The following NLRC3 variants were observed in gnomAD, a reference collection of about 807,000 sequenced individuals.
NLRC3 encodes the protein NLR family CARD domain containing 3.
A neutral mutation model predicts 91.6 loss-of-function variants in NLRC3; 87 were observed. The observed-to-expected ratio is 0.95, with a 90% CI of 0.80 to 1.14. NLRC3 has a LOEUF of 1.14. Ranked by LOEUF, NLRC3 falls within the 50% of genes most tolerant of loss-of-function variation. The pLI is 0.00. For synonymous variants in NLRC3, 694 were observed against 625.3 expected, an observed-to-expected ratio of 1.11 and a Z score of -1.64; for missense variants, 1,577 against 1,418.6, an observed-to-expected ratio of 1.11 and a Z score of -1.79.
At chr16:3,550,569 T>G (rs1018511150) in intron 10 of NLRC3, 72 bp from the exon 11 acceptor site, 5 of 1,139,492 alleles carry the variant, frequency 4.4e-6, no homozygotes, top group Admixed American at 3.5e-5. Context: ...GGGATCAGAG[T>G]CAGGGAAGCC....
At chr16:3,573,680 G>A (rs2040180367) in intron 1 of NLRC3, among the ~76,000 whole-genome samples, 1 of 152,206 alleles carries the variant, frequency 6.6e-6, no homozygotes, top group Non-Finnish European at 1.5e-5. Context: ...CGTGGAAGAA[G>A]TCTCAGCTCT....
chr16:3,550,580 C>G, intron 10 of NLRC3, 83 bp from the exon 11 acceptor site: 1 of 1,002,780 alleles, frequency 1.0e-6, no homozygotes, highest in Non-Finnish European at 1.6e-6. Context: ...CAGGGAAGCC[C>G]TCCTGGGAGG....
In NLRC3 at chr16:3,548,084, C is replaced by T. The variant is rs551783109; in HGVS notation, c.2771+51G>A. On this transcript the variant is annotated intron_variant, in intron 15 of 19. Coordinates refer to ENST00000359128, the MANE Select transcript of NLRC3 (RefSeq NM_178844.4). ...CTGATGGGTACCAGGTTTTCAGATT[C>T]CCCTGTCCTCAACAGCCCCCGCCCT... The T allele has an allele frequency of 9.0e-5, 116 of 1,287,264 alleles. 2 individuals are homozygous for T. In the South Asian group the frequency reaches 1.4e-3, roughly 15 times the overall value. 79.7% of individuals were successfully genotyped at this position (1,287,264 alleles called of 1,614,324 possible).
In NLRC3 at chr16:3,557,631, G is replaced by C. The variant is rs779917362; in HGVS notation, c.2061C>G (p.Ala687=). 1.6e-5 allele frequency: 26 copies of C among 1,613,474 alleles called. No individual in the cohort carries two copies. ...GACTTCTGTTGACCAAGAGGGATCT[G>C]GCCAGAGCTTTGGCCCCTTTGTTAC... is the stretch of plus-strand genomic sequence containing the variant. ...QISNKGAKAL[A]RSLLVNRSLT... The change falls in exon 7 of 20, where the codon GCC becomes GCG. Residue 687 remains alanine (A), a synonymous_variant. Transcript: ENST00000359128.
At chr16:3,544,134 G>A in intron 16 of NLRC3, 112 bp downstream of exon 16, 1 of 663,044 alleles carries the variant, frequency 1.5e-6, no homozygotes, top group Non-Finnish European at 2.7e-6. Flanking sequence ...CTCCAGCCTG[G>A]GTGGCAGAGC....
chr16:3,564,108 C>G lies in NLRC3; in HGVS notation c.829G>C (p.Gly277Arg). ...SRPSASGQIP[G>R]GLVDRMTEIR... ...TCCGTCATCCGGTCCACCAGGCCCC[C>G]TGGGATCTGGCCAGATGCACTGGGA... The change falls in exon 5 of 20, where the codon GGG becomes CGG. Residue 277 changes from glycine to arginine, a missense_variant. Gly to Arg is a moderately radical substitution (Grantham distance 125). Coordinates refer to ENST00000359128, the MANE Select transcript of NLRC3 (RefSeq NM_178844.4). This position sits in a 1 kb window ranked among gnomAD's most constrained non-coding sequence, Gnocchi z 5.9. The G allele has an allele frequency of 6.2e-7, 1 of 1,613,694 alleles. No homozygotes were observed. Among genetic ancestry groups the G allele is most frequent in the Middle Eastern group, 1.6e-4 (1 of 6,062 alleles).
intron 15 of NLRC3, among the ~76,000 whole-genome samples, 168 bp downstream of exon 15, chr16:3,547,967 G>T (rs1278545366): frequency 6.6e-6 from 1 of 152,170 alleles, no homozygotes; most frequent in African/African-American, 2.4e-5. Context: ...CAACGCACCC[G>T]GCCAATATAT....
Position 3,564,239 on chromosome 16 carries a change from G to A in NLRC3, c.698C>T (p.Thr233Ile). The A allele has an allele frequency of 1.2e-6, 2 of 1,613,094 alleles. No individual in the cohort carries two copies. The highest frequency in any genetic ancestry group is 8.5e-7 in the Non-Finnish European group (1 of 1,179,822). The stretch of plus-strand genomic sequence containing the variant: ...CTTCTTTGGGTCCGTGCAGGCCACG[G>A]TGTTGGAGAAGTCCAGAGGCGTCCT... ...ECRTPLDFSN[T>I]VACTDPKKEI... The change falls in exon 5 of 20, where the codon ACC becomes ATC. Residue 233 changes from threonine (T) to isoleucine (I), a missense_variant. Thr to Ile is a moderately conservative substitution (Grantham distance 89). Coordinates refer to ENST00000359128, the MANE Select transcript of NLRC3 (RefSeq NM_178844.4). This position sits in a 1 kb window ranked among gnomAD's most constrained non-coding sequence, Gnocchi z 5.9.
intron 1 of NLRC3, among the ~76,000 whole-genome samples, chr16:3,570,082 G>C (rs1374068819): frequency 1.3e-5 from 2 of 152,178 alleles, no homozygotes; most frequent in Non-Finnish European, 2.9e-5. Flanking sequence ...ACACAGCTGG[G>C]AAGTGGGAGT....
rs1187122843 is a variant in NLRC3 at position 3,543,441 on chromosome 16, T to G, written c.2923A>C (p.Thr975Pro). Residue 975 changes from threonine (T) to proline (P), a missense_variant, in exon 17 of 20, where the codon ACC (threonine) becomes CCC (proline). Thr to Pro is a conservative substitution (Grantham distance 38). Coordinates refer to ENST00000359128, the MANE Select transcript of NLRC3 (RefSeq NM_178844.4). ...VLGEALAVNR[T>P]LEILDLRGNA... ...AATACTTACTCGAGAATCTCCAAGG[T>G]TCTGTTCACAGCCAAGGCTTCCCCT... 3 of 1,611,932 alleles carry G rather than the reference T, an allele frequency of 1.9e-6. No homozygotes were observed. The highest frequency in any genetic ancestry group is 2.7e-5 in the African/African-American group (2 of 74,888).
intron 1 of NLRC3, among the ~76,000 whole-genome samples, chr16:3,569,389 TATA>T (rs1567153869): frequency 2.8e-4 from 30 of 106,034 alleles, no homozygotes; most frequent in East Asian, 9.9e-4. Flanking sequence ...TATATATATA[TATA>T]TATTATTTTT....
chr16:3,550,988 T>C (rs987932330), intron 10 of NLRC3, among the ~76,000 whole-genome samples: 1 of 152,006 alleles, frequency 6.6e-6, no homozygotes, highest in African/African-American at 2.4e-5. Flanking sequence ...CATTCATAAA[T>C]CCATCCATTC....
intron 6 of NLRC3, 104 bp downstream of exon 6, chr16:3,561,598 C>T: frequency 9.3e-6 from 7 of 755,740 alleles, no homozygotes; most frequent in South Asian, 1.6e-5. Context: ...AAAGACACTT[C>T]TCCGTGGCAG....
In NLRC3 at chr16:3,550,411, C is replaced by A; in HGVS notation, c.2435+3G>T. On this transcript the variant is annotated splice_donor_region_variant and intron_variant, in intron 11 of 19. Coordinates refer to ENST00000359128, the MANE Select transcript of NLRC3 (RefSeq NM_178844.4). ...GAATCGTCACCCTGGCAGGTGGACT[C>A]ACTCCAGGCTCTCCAGGCCCTGGTT... 6.2e-7 allele frequency: 1 copy of A among 1,602,622 alleles called. No individual in the cohort carries two copies. Among genetic ancestry groups the A allele is most frequent in the South Asian group, 1.1e-5 (1 of 90,866 alleles).
intron 1 of NLRC3, among the ~76,000 whole-genome samples, chr16:3,571,397 T>C (rs1244750388): frequency 7.4e-6 from 1 of 135,294 alleles, no homozygotes; most frequent in Non-Finnish European, 1.6e-5. Flanking sequence ...AAAAAAAAAA[T>C]AGATGGGGCT....
rs2038518373 is a variant in NLRC3 at position 3,543,514 on chromosome 16, G to A, written c.2856-6C>T. The A allele has an allele frequency of 6.2e-7, 1 of 1,610,184 alleles. No homozygotes were observed. Among genetic ancestry groups the A allele is most frequent in the Non-Finnish European group, 8.5e-7 (1 of 1,178,094 alleles). ...CAATTGAGGCCACCTGGAGACTGGG[G>A]CGGAGAGGGTGCCGTCAGTGTGAGC... On this transcript the variant is annotated splice_polypyrimidine_tract_variant and splice_region_variant and intron_variant, in intron 16 of 19. Transcript: ENST00000359128.
At chr16:3,565,679 G>A (rs1171019788) in intron 2 of NLRC3, among the ~76,000 whole-genome samples, 1 of 151,910 alleles carries the variant, frequency 6.6e-6, no homozygotes, top group African/African-American at 2.4e-5. Flanking sequence ...ACTCTGTAGG[G>A]TACTACAGTG....
Position 3,564,641 on chromosome 16 carries a change from A to G in NLRC3, c.296T>C (p.Leu99Pro), listed in dbSNP as rs772360786. ...TGTGAAGTCGTGTTCCCTCAGCTGC[A>G]GGTCCGTCAGGCCCTCCACCAGCAG... ...SLLLVEGLTD[L>P]QLREHDFTQV... The change falls in exon 5 of 20, where the codon CTG becomes CCG. Residue 99 changes from leucine to proline, a missense_variant. Physicochemically the swap from Leu to Pro is moderately conservative, Grantham distance 98. Coordinates refer to ENST00000359128, the MANE Select transcript of NLRC3 (RefSeq NM_178844.4). The surrounding 1 kb of genome is among the most constrained non-coding windows in gnomAD (Gnocchi z 5.9). 5 of 1,607,220 alleles carry G rather than the reference A, an allele frequency of 3.1e-6. No homozygotes were observed. In the East Asian group the frequency reaches 1.1e-4, roughly 36 times the overall value.
chr16:3,554,995 C>T lies in NLRC3; in HGVS notation c.2184-670G>A, dbSNP rs184323568. ...CTGTAATCCCAGCACTTTGGGAGGC[C>T]GAGGTGGGTGGATCACTTGAGGTCA... On this transcript the variant is annotated intron_variant, in intron 8 of 19. Coordinates refer to ENST00000359128, the MANE Select transcript of NLRC3 (RefSeq NM_178844.4). Among the ~76,000 whole-genome samples the T allele has an allele frequency of 3.6e-3, 544 of 152,128 alleles. 5 individuals carry two copies. Among genetic ancestry groups the T allele is most frequent in the African/African-American group, 0.012 (515 of 41,506 alleles).
Sources: gnomAD v4.1 joint callset for allele counts (sites outside exome capture counted in the v4.1 genomes callset) on GRCh38, gnomAD v4.1.1 for gene constraint, Gnocchi (gnomAD v3.1) non-coding constraint, MANE v1.5 for transcripts, NCBI Gene and HGNC (gene_info 2026-07-23, HGNC 2026-07-21) for gene names.